FCGRT: variants seen among roughly 807,000 people sequenced by gnomAD.
The protein encoded by FCGRT is IgG receptor FcRn large subunit p51.
In FCGRT, 13 loss-of-function variants were observed where a neutral mutation model predicts 35.7. The ratio of observed to expected loss-of-function variants is 0.36; its 90% CI spans 0.24 to 0.58. The LOEUF (loss-of-function observed/expected upper bound fraction) is 0.58, where lower values mean the gene tolerates loss of function less well. Ranked by LOEUF, FCGRT falls within the 20% of genes least tolerant of loss-of-function variation. The pLI is 0.77. For missense variants in FCGRT, 455 were observed against 474.9 expected (o/e 0.96, Z 0.39); for synonymous variants, 233 against 216.5 (o/e 1.08, Z -0.67).
chr19:49,522,016 A>G (rs937951225), intron 4 of FCGRT, among the ~76,000 whole-genome samples: 2 of 151,430 alleles, frequency 1.3e-5, no homozygotes, highest in African/African-American at 4.9e-5. Context: ...AAAATTCTTA[A>G]TTTCAGTGAA....
chr19:49,526,084 T>A lies in FCGRT; in HGVS notation c.1063T>A (p.Leu355Met). Residue 355 changes from leucine to methionine, a missense_variant, in exon 7 of 7, where the codon TTG (leucine) becomes ATG (methionine). Physicochemically the swap from Leu to Met is conservative, Grantham distance 15. Around this residue, in one of 3 missense-constraint regions of FCGRT, gnomAD observed 312 missense variants for 296.1 expected, o/e 1.05. Coordinates refer to ENST00000221466, the MANE Select transcript of FCGRT (RefSeq NM_001136019.3). Reference sequence around the variant, plus strand: ...CCCAGGGGAGGCCCAGGATGCTGATTTGAAGGATGTAAATGTGATTCCAGC... The same window carrying A: ...CCCAGGGGAGGCCCAGGATGCTGATATGAAGGATGTAAATGTGATTCCAGC... Reference protein sequence around the residue: ...PTPGEAQDADLKDVNVIPATA With the variant: ...PTPGEAQDADMKDVNVIPATA 1 of 1,613,532 alleles carries A rather than the reference T, an allele frequency of 6.2e-7. No homozygotes were observed. Among genetic ancestry groups the A allele is most frequent in the Non-Finnish European group, 8.5e-7 (1 of 1,179,628 alleles).
At chr19:49,517,145 C>T (rs1206510038) in intron 4 of FCGRT, among the ~76,000 whole-genome samples, 1 of 152,024 alleles carries the variant, frequency 6.6e-6, no homozygotes, top group African/African-American at 2.4e-5. Flanking sequence ...GAACTGATTG[C>T]AACTCTGCAC....
Position 49,524,695 on chromosome 19 carries a change from A to G in FCGRT, c.790A>G (p.Thr264Ala), listed in dbSNP as rs754962611. 4.4e-6 allele frequency: 7 copies of G among 1,603,420 alleles called. No individual in the cohort carries two copies. In the Admixed American group the frequency reaches 8.3e-5, roughly 19 times the overall value. ...DGSFHASSSL[T>A]VKSGDEHHYC... Reference sequence around the variant, plus strand: ...ATCCTTCCACGCCTCGTCGTCACTAACAGTCAAAAGTGGCGATGAGCACCA... The same window carrying G: ...ATCCTTCCACGCCTCGTCGTCACTAGCAGTCAAAAGTGGCGATGAGCACCA... The change falls in exon 5 of 7, where the codon ACA becomes GCA. Residue 264 changes from threonine to alanine, a missense_variant. This residue lies in a region of FCGRT where 312 missense variants were observed against 296.1 expected (regional missense o/e 1.05). Coordinates refer to ENST00000221466, the MANE Select transcript of FCGRT (RefSeq NM_001136019.3).
chr19:49,522,476 G>A (rs1340527883), intron 4 of FCGRT, among the ~76,000 whole-genome samples: 2 of 151,798 alleles, frequency 1.3e-5, no homozygotes, highest in African/African-American at 2.4e-5. Flanking sequence ...CTGTCGCCCA[G>A]GCTGGAGTGC....
At chr19:49,518,155 G>A (rs2080019600) in intron 4 of FCGRT, among the ~76,000 whole-genome samples, 1 of 151,978 alleles carries the variant, frequency 6.6e-6, no homozygotes, top group Admixed American at 6.6e-5. Flanking sequence ...AACTCTACTA[G>A]GTAAGGGCAT....
In FCGRT at chr19:49,525,552, A is replaced by C. The variant is rs148496736; in HGVS notation, c.967A>C (p.Arg323=). ...AAVGGALLWR[R]MRSGLPAPWI... ...TGTAGGAGGAGCTCTGTTGTGGAGA[A>C]GGATGAGGAGTGGGCTGCCAGGTGG... Residue 323 remains arginine (R), a synonymous_variant, in exon 6 of 7, where the codon AGG becomes CGG. Coordinates refer to ENST00000221466, the MANE Select transcript of FCGRT (RefSeq NM_001136019.3). 227 of 1,612,782 alleles carry C rather than the reference A, an allele frequency of 1.4e-4. 1 individual carries two copies. In the African/African-American group the frequency reaches 2.5e-3, roughly 18 times the overall value.
chr19:49,523,862 A>G (rs2080056782), intron 4 of FCGRT, among the ~76,000 whole-genome samples: 1 of 151,320 alleles, frequency 6.6e-6, no homozygotes, highest in African/African-American at 2.4e-5. Flanking sequence ...TCCATCTCAA[A>G]AAAAAAAAAA....
Position 49,526,027 on chromosome 19 carries a change from C to G in FCGRT, c.1006C>G (p.Arg336Gly). The change falls in exon 7 of 7, where the codon CGT becomes GGT. Residue 336 changes from arginine (R) to glycine (G), a missense_variant. Arg to Gly is a moderately radical substitution (Grantham distance 125). Around this residue, in one of 3 missense-constraint regions of FCGRT, gnomAD observed 312 missense variants for 296.1 expected, o/e 1.05. Transcript: ENST00000221466. ...SGLPAPWISL[R>G]GDDTGVLLPT... ...CTCCTCAGCCCCTTGGATCTCCCTT[C>G]GTGGAGACGACACCGGGGTCCTCCT... The G allele has an allele frequency of 1.2e-6, 2 of 1,610,190 alleles. No homozygotes were observed. The highest frequency in any genetic ancestry group is 2.2e-5 in the South Asian group (2 of 91,018).
At chr19:49,522,176 G>A (rs1020694216) in intron 4 of FCGRT, among the ~76,000 whole-genome samples, 3 of 150,018 alleles carry the variant, frequency 2.0e-5, no homozygotes, top group African/African-American at 7.4e-5. Flanking sequence ...CAAACTCCTG[G>A]GCTCAAGGAT....
intron 4 of FCGRT, among the ~76,000 whole-genome samples, chr19:49,523,429 G>C (rs1398216851): frequency 1.3e-5 from 2 of 152,038 alleles, no homozygotes; most frequent in Non-Finnish European, 2.9e-5. Context: ...TACCCGGCAT[G>C]GTGGTGCATG....
At chr19:49,516,676 C>T (rs1321463520) in intron 4 of FCGRT, among the ~76,000 whole-genome samples, 3 of 151,870 alleles carry the variant, frequency 2.0e-5, no homozygotes, top group Non-Finnish European at 4.4e-5. Flanking sequence ...CCTACCTCAG[C>T]CTCCCGAGTA....
At position 49,513,370 on chromosome 19, in the gene FCGRT, GC is replaced by G; in HGVS notation, c.-14-12del. ...GGCCGGGGGTCGGGAGGAGTCACGT[GC>G]CCCCTCCCGCCCCAGGTCGTCCTCT... On this transcript the variant is annotated splice_polypyrimidine_tract_variant and intron_variant, in intron 1 of 6. Coordinates refer to ENST00000221466, the MANE Select transcript of FCGRT (RefSeq NM_001136019.3). The G allele has an allele frequency of 1.7e-6, 2 of 1,175,916 alleles. No individual in the cohort carries two copies. The highest frequency in any genetic ancestry group is 2.2e-6 in the Non-Finnish European group (2 of 926,758). 72.8% of individuals were successfully genotyped at this position (1,175,916 alleles called of 1,614,324 possible). A position where few individuals can be genotyped will look rare whatever the true frequency, so the allele number is the denominator to read the frequency against.
At position 49,526,180 on chromosome 19, in the gene FCGRT, C is replaced by A; in HGVS notation, c.*61C>A. The A allele has an allele frequency of 1.8e-6, 2 of 1,090,154 alleles. No homozygotes were observed. Among genetic ancestry groups the A allele is most frequent in the Non-Finnish European group, 1.4e-6 (1 of 709,678 alleles). The allele number at this position is 1,090,154 out of a possible 1,614,324, so 67.5% of individuals were successfully genotyped here. On this transcript the variant is annotated 3_prime_UTR_variant, in exon 7 of 7. Transcript: ENST00000221466. ...TCAGGCCCCTTTCATGCTGTGAGACCTCCTGGAACACTGGCATCTCTGAGC... is the reference window on the plus strand; with the variant it reads ...TCAGGCCCCTTTCATGCTGTGAGACATCCTGGAACACTGGCATCTCTGAGC...
Position 49,513,659 on chromosome 19 carries a change from GTC to G in FCGRT, c.73+188_73+189del. ...CTGGGAACCACCTGTCGCCTCTTGT[GTC>G]TGTTTCCCTCTCTCTCTCTGGGTCT... On this transcript the variant is annotated intron_variant, in intron 2 of 6. Transcript: ENST00000221466. The G allele has an allele frequency of 8.5e-6, 4 of 471,422 alleles. No homozygotes were observed. The South Asian group carries it at 2.4e-4, about 28-fold the overall frequency. 29.2% of individuals were successfully genotyped at this position (471,422 alleles called of 1,614,324 possible). A position where few individuals can be genotyped will look rare whatever the true frequency, so the allele number is the denominator to read the frequency against.
intron 4 of FCGRT, among the ~76,000 whole-genome samples, chr19:49,519,347 ATCT>A (rs1408428801): frequency 6.6e-6 from 1 of 151,552 alleles, no homozygotes; most frequent in Non-Finnish European, 1.5e-5. Context: ...AGTCAGCTAG[ATCT>A]TCTCCTGTGT....
At position 49,525,635 on chromosome 19, in the gene FCGRT, A is replaced by G. The variant is rs1176531702; in HGVS notation, c.988+62A>G. 3 of 1,192,950 alleles carry G rather than the reference A, an allele frequency of 2.5e-6. No individual in the cohort carries two copies. In the African/African-American group the frequency reaches 4.5e-5, roughly 18 times the overall value. The allele number at this position is 1,192,950 out of a possible 1,614,324, so 73.9% of individuals were successfully genotyped here. A position where few individuals can be genotyped will look rare whatever the true frequency, so the allele number is the denominator to read the frequency against. ...GACAGAGACCCCAAGAGAGGGGCAC[A>G]CAGACCTGGGAGGACAGAGACCCAG... On this transcript the variant is annotated intron_variant, in intron 6 of 6. Coordinates refer to ENST00000221466, the MANE Select transcript of FCGRT (RefSeq NM_001136019.3).
At position 49,525,666 on chromosome 19, in the gene FCGRT, G is replaced by A. The variant is rs1039550504; in HGVS notation, c.988+93G>A. The A allele has an allele frequency of 1.2e-5, 10 of 863,152 alleles. No individual in the cohort carries two copies. In the Admixed American group the frequency reaches 1.6e-4, roughly 14 times the overall value. 53.5% of individuals were successfully genotyped at this position (863,152 alleles called of 1,614,324 possible). A position where few individuals can be genotyped will look rare whatever the true frequency, so the allele number is the denominator to read the frequency against. On this transcript the variant is annotated intron_variant, in intron 6 of 6. Transcript: ENST00000221466. Reference sequence around the variant, plus strand: ...CTGGGAGGACAGAGACCCAGAGAGGGGGGACAGAGATCAGAGAGAGGTGGA... The same window carrying A: ...CTGGGAGGACAGAGACCCAGAGAGGAGGGACAGAGATCAGAGAGAGGTGGA...
rs1204757931 is a variant in FCGRT at position 49,513,694 on chromosome 19, CCT to C, written c.74-183_74-182del. The stretch of plus-strand genomic sequence containing the variant: ...CTCTCTCTCTCTGGGTCTCTGTCCC[CCT>C]CTCTTTCTGGGTCTCTTGTCTCTCT... On this transcript the variant is annotated intron_variant, in intron 2 of 6. Transcript: ENST00000221466. The C allele has an allele frequency of 8.6e-6, 5 of 580,190 alleles. No homozygotes were observed. In the Admixed American group the frequency reaches 1.5e-4, roughly 17 times the overall value. The allele number at this position is 580,190 out of a possible 1,614,324, so 35.9% of individuals were successfully genotyped here. A position where few individuals can be genotyped will look rare whatever the true frequency, so the allele number is the denominator to read the frequency against.
chr19:49,526,043 G>A lies in FCGRT; in HGVS notation c.1022G>A (p.Gly341Glu), dbSNP rs747296238. The change falls in exon 7 of 7, where the codon GGG becomes GAG. Residue 341 changes from glycine (G) to glutamate (E), a missense_variant. Transcript: ENST00000221466. ...ATCTCCCTTCGTGGAGACGACACCG[G>A]GGTCCTCCTGCCCACCCCAGGGGAG... ...PWISLRGDDT[G>E]VLLPTPGEAQ... 1.2e-6 allele frequency: 2 copies of A among 1,613,372 alleles called. No individual in the cohort carries two copies. Among genetic ancestry groups the A allele is most frequent in the Admixed American group, 1.7e-5 (1 of 60,004 alleles).
Sources: gnomAD v4.1 joint callset for allele counts (sites outside exome capture counted in the v4.1 genomes callset) on GRCh38, gnomAD v4.1.1 for gene constraint, gnomAD v4.1.1 regional missense constraint, MANE v1.5 for transcripts, NCBI Gene and HGNC (gene_info 2026-07-23, HGNC 2026-07-21) for gene names.